The following CPXM1 variants were observed in gnomAD, a reference collection of about 807,000 sequenced individuals.
CPXM1 encodes the protein carboxypeptidase X, M14 family member 1.
In CPXM1, 72 loss-of-function variants were observed where a neutral mutation model predicts 80.4. The observed-to-expected ratio is 0.90, with a 90% CI of 0.74 to 1.09. The LOEUF is 1.09. CPXM1 is among the 50% of genes least tolerant of loss of function. CPXM1 has a pLI of 0.00. For synonymous variants in CPXM1, 403 were observed against 405.6 expected (o/e 0.99, Z 0.08); for missense variants, 892 against 999.4 (o/e 0.89, Z 1.45).
In CPXM1 at chr20:2,794,784, A is replaced by AG. The variant is rs1479656839; in HGVS notation, c.1861-146_1861-145insC. On this transcript the variant is annotated intron_variant, in intron 12 of 13. Transcript: ENST00000380605. The surrounding 1 kb of genome is among the most constrained non-coding windows in gnomAD (Gnocchi z 5.2). ...AGGTGACACTACTTCTGGAAGAAAA[A>AG]AAAAAAAGAAATCCTGATTGACAAA... 7 of 617,538 alleles carry AG rather than the reference A, an allele frequency of 1.1e-5. No individual in the cohort carries two copies. Among genetic ancestry groups the AG allele is most frequent in the Admixed American group, 2.9e-5 (1 of 33,958 alleles). The allele number at this position is 617,538 out of a possible 1,614,324, so 38.3% of individuals were successfully genotyped here. A position where few individuals can be genotyped will look rare whatever the true frequency, so the allele number is the denominator to read the frequency against.
In CPXM1 at chr20:2,794,475, T is replaced by A; in HGVS notation, c.1964-44A>T. ...ACGATCAGGACCCAATTAATGATCT[T>A]CTGCTTCTTCCCGAGCCTCCAGCCC... On this transcript the variant is annotated intron_variant, in intron 13 of 13. Transcript: ENST00000380605. The surrounding 1 kb of genome is among the most constrained non-coding windows in gnomAD (Gnocchi z 5.2). 1 of 1,613,464 alleles carries A rather than the reference T, an allele frequency of 6.2e-7. No individual in the cohort carries two copies. Among genetic ancestry groups the A allele is most frequent in the Non-Finnish European group, 8.5e-7 (1 of 1,179,604 alleles).
chr20:2,800,170 C>T (rs2146564810), intron 1 of CPXM1, among the ~76,000 whole-genome samples: 2 of 150,426 alleles, frequency 1.3e-5, no homozygotes, highest in East Asian at 2.0e-4. Context: ...CGTGTGTGTG[C>T]ATGCGTGTGA....
intron 6 of CPXM1, 44 bp downstream of exon 6, chr20:2,797,148 C>A: frequency 6.2e-7 from 1 of 1,610,340 alleles, no homozygotes. Context: ...AGGATGCACC[C>A]TGCATCCAAG....
chr20:2,797,852 C>T (rs976668516), intron 5 of CPXM1, 116 bp downstream of exon 5: 2 of 905,770 alleles, frequency 2.2e-6, no homozygotes, highest in East Asian at 2.5e-5. Context: ...CAAGCCACAC[C>T]CCCCTGGGAA....
Position 2,800,411 on chromosome 20 carries a change from C to G in CPXM1, c.162G>C (p.Glu54Asp), listed in dbSNP as rs2088558215. ...GGTCGGGGAACTCACCGTTAGCTGT[C>G]TCCGCCGGCGGCTGTGCCGGGCTGC... is the stretch of plus-strand genomic sequence containing the variant. ...LHSSPAQPPAETANGTSEQHV... is the reference protein window; with the variant it reads ...LHSSPAQPPADTANGTSEQHV... Residue 54 changes from glutamate (E) to aspartate (D), a missense_variant, in exon 1 of 14, where the codon GAG becomes GAC. Glu to Asp is a conservative substitution (Grantham distance 45). Coordinates refer to ENST00000380605, the MANE Select transcript of CPXM1 (RefSeq NM_019609.5). 1 of 1,531,322 alleles carries G rather than the reference C, an allele frequency of 6.5e-7. No homozygotes were observed. The highest frequency in any genetic ancestry group is 2.0e-5 in the Admixed American group (1 of 49,630). The allele number at this position is 1,531,322 out of a possible 1,614,324, so 94.9% of individuals were successfully genotyped here.
chr20:2,798,541 G>A lies in CPXM1; in HGVS notation c.341-4C>T. 1 of 1,612,768 alleles carries A rather than the reference G, an allele frequency of 6.2e-7. No individual in the cohort carries two copies. Among genetic ancestry groups the A allele is most frequent in the Non-Finnish European group, 8.5e-7 (1 of 1,178,924 alleles). On this transcript the variant is annotated splice_region_variant and splice_polypyrimidine_tract_variant and intron_variant, in intron 2 of 13. Coordinates refer to ENST00000380605, the MANE Select transcript of CPXM1 (RefSeq NM_019609.5). ...TCCAGACCCAAAGGAGGACAGCCTG[G>A]GGCGGGGATAGAACAGTGAGACAGG...
At position 2,795,326 on chromosome 20, in the gene CPXM1, G is replaced by A; in HGVS notation, c.1811C>T (p.Pro604Leu). ...GTCTTTGTTGTTCTCCCACTCCTGG[G>A]GCAATTCATTCTCGTGAGGGAACTT... ...CDKFPHENELPQEWENNKDAL... is the reference protein window; with the variant it reads ...CDKFPHENELLQEWENNKDAL... Residue 604 changes from proline to leucine, a missense_variant, in exon 12 of 14, where the codon CCC (proline) becomes CTC (leucine). Coordinates refer to ENST00000380605, the MANE Select transcript of CPXM1 (RefSeq NM_019609.5). This position sits in a 1 kb window ranked among gnomAD's most constrained non-coding sequence, Gnocchi z 5.4. 1 of 1,614,118 alleles carries A rather than the reference G, an allele frequency of 6.2e-7. No homozygotes were observed. Among genetic ancestry groups the A allele is most frequent in the Non-Finnish European group, 8.5e-7 (1 of 1,180,010 alleles).
chr20:2,794,168 T>TCA lies in CPXM1; in HGVS notation c.*21_*22insTG, dbSNP rs1468853484. 1 of 1,595,272 alleles carries TCA rather than the reference T, an allele frequency of 6.3e-7. No individual in the cohort carries two copies. The highest frequency in any genetic ancestry group is 1.3e-5 in the African/African-American group (1 of 74,602). ...CCGTCTTGACAGGTCCAGCCTGCCC[T>TCA]AGGGCTCTTAAACCGCAGGTATCAA... On this transcript the variant is annotated 3_prime_UTR_variant, in exon 14 of 14. Transcript: ENST00000380605. This position sits in a 1 kb window ranked among gnomAD's most constrained non-coding sequence, Gnocchi z 5.2.
At position 2,796,231 on chromosome 20, in the gene CPXM1, A is replaced by C. The variant is rs978159395; in HGVS notation, c.1242+16T>G. Reference sequence around the variant, plus strand: ...AGGGCAGAAGGACAGAGTGGCCCTCATGCTGGGTGGCCTACCCGGTGGTAG... The same window carrying C: ...AGGGCAGAAGGACAGAGTGGCCCTCCTGCTGGGTGGCCTACCCGGTGGTAG... On this transcript the variant is annotated intron_variant, in intron 9 of 13. Coordinates refer to ENST00000380605, the MANE Select transcript of CPXM1 (RefSeq NM_019609.5). This position sits in a 1 kb window ranked among gnomAD's most constrained non-coding sequence, Gnocchi z 6.8. 1 of 1,612,542 alleles carries C rather than the reference A, an allele frequency of 6.2e-7. No homozygotes were observed. Among genetic ancestry groups the C allele is most frequent in the Admixed American group, 1.7e-5 (1 of 59,954 alleles).
At position 2,796,024 on chromosome 20, in the gene CPXM1, A is replaced by G. The variant is rs1192609502; in HGVS notation, c.1380T>C (p.His460=). The G allele has an allele frequency of 5.6e-6, 9 of 1,612,982 alleles. No homozygotes were observed. The highest frequency in any genetic ancestry group is 6.8e-6 in the Non-Finnish European group (8 of 1,179,470). ...TGTAGTAAGTGGGCAATGGCAGGTGATGGTTGGGGACGATGTGGGGCACCT... is the reference window on the plus strand; with the variant it reads ...TGTAGTAAGTGGGCAATGGCAGGTGGTGGTTGGGGACGATGTGGGGCACCT... ...DGKVPHIVPN[H]HLPLPTYYTL... Residue 460 remains histidine, a synonymous_variant, in exon 10 of 14, where the codon CAT becomes CAC. Coordinates refer to ENST00000380605, the MANE Select transcript of CPXM1 (RefSeq NM_019609.5). This position sits in a 1 kb window ranked among gnomAD's most constrained non-coding sequence, Gnocchi z 6.8.
Position 2,797,064 on chromosome 20 carries a change from G to A in CPXM1, c.863C>T (p.Ala288Val), listed in dbSNP as rs763737973. 18 of 1,613,946 alleles carry A rather than the reference G, an allele frequency of 1.1e-5. No homozygotes were observed. The highest frequency in any genetic ancestry group is 5.3e-5 in the African/African-American group (4 of 74,878). The change falls in exon 7 of 14, where the codon GCG becomes GTG. Residue 288 changes from alanine (A) to valine (V), a missense_variant. Transcript: ENST00000380605. ...GTCTAGAGGGTCAGAGGATCCCGAC[G>A]CAGGGGCCTCAAGGAATAGGTCATT... ...DPNDLFLEAP[A>V]SGSSDPLDFQ...
Position 2,800,594 on chromosome 20 carries a change from G to T in CPXM1, c.-22C>A. ...ACATGGCGGGGATTGAGTGCCAGGG[G>T]CGCGCGGGCTACGGCGGGTGGCGGG... On this transcript the variant is annotated 5_prime_UTR_variant, in exon 1 of 14. Transcript: ENST00000380605. 1 of 1,326,050 alleles carries T rather than the reference G, an allele frequency of 7.5e-7. No homozygotes were observed. Among genetic ancestry groups the T allele is most frequent in the Non-Finnish European group, 9.6e-7 (1 of 1,041,774 alleles). 82.1% of individuals were successfully genotyped at this position (1,326,050 alleles called of 1,614,324 possible).
In CPXM1 at chr20:2,795,730, C is replaced by G. The variant is rs372249479; in HGVS notation, c.1589G>C (p.Arg530Pro). The change falls in exon 11 of 14, where the codon CGC (arginine) becomes CCC (proline). Residue 530 changes from arginine (R) to proline (P), a missense_variant. By Grantham distance (103) the Arg-to-Pro change is moderately radical. Coordinates refer to ENST00000380605, the MANE Select transcript of CPXM1 (RefSeq NM_019609.5). The surrounding 1 kb of genome is among the most constrained non-coding windows in gnomAD (Gnocchi z 5.4). ...LTPTPDDAVF[R>P]WLSTVYAGSN... is the part of the protein sequence containing the mutation. ...GCCAGCATAGACAGTGCTGAGCCAGCGAAACACAGCATCATCTGGTGTGGG... is the reference window on the plus strand; with the variant it reads ...GCCAGCATAGACAGTGCTGAGCCAGGGAAACACAGCATCATCTGGTGTGGG... 1.2e-6 allele frequency: 2 copies of G among 1,613,762 alleles called. No homozygotes were observed. The highest frequency in any genetic ancestry group is 1.7e-6 in the Non-Finnish European group (2 of 1,180,046).
At position 2,798,732 on chromosome 20, in the gene CPXM1, C is replaced by G. The variant is rs779204218; in HGVS notation, c.334G>C (p.Glu112Gln). Residue 112 changes from glutamate (E) to glutamine (Q), a missense_variant, in exon 2 of 14, where the codon GAA (glutamate) becomes CAA (glutamine). Coordinates refer to ENST00000380605, the MANE Select transcript of CPXM1 (RefSeq NM_019609.5). ...AGTLDPAEKQ[E>Q]TGCPPLGLES... Reference sequence around the variant, plus strand: ...GCCCCTGGAGAGGAAGTACCTGTTTCTTGTTTCTCAGCGGGGTCGAGGGTC... The same window carrying G: ...GCCCCTGGAGAGGAAGTACCTGTTTGTTGTTTCTCAGCGGGGTCGAGGGTC... 27 of 1,611,304 alleles carry G rather than the reference C, an allele frequency of 1.7e-5. No individual in the cohort carries two copies. In the Middle Eastern group the frequency reaches 7.4e-4, roughly 44 times the overall value.
chr20:2,798,019 A>T lies in CPXM1; in HGVS notation c.630T>A (p.Asn210Lys), dbSNP rs2088527899. The T allele has an allele frequency of 6.2e-7, 1 of 1,614,126 alleles. No individual in the cohort carries two copies. The highest frequency in any genetic ancestry group is 1.3e-5 in the African/African-American group (1 of 75,016). ...TACTTCCCCACCAGGTCCGACTGTC[A>T]TTGCTGAACTGGACCTTGTATGATG... ...WVTSYKVQFS[N>K]DSRTWWGSRN... The change falls in exon 5 of 14, where the codon AAT becomes AAA. Residue 210 changes from asparagine (N) to lysine (K), a missense_variant. By Grantham distance (94) the Asn-to-Lys change is moderately conservative. Around this residue, in one of 2 missense-constraint regions of CPXM1, gnomAD observed 874 missense variants for 958.4 expected, o/e 0.91. Coordinates refer to ENST00000380605, the MANE Select transcript of CPXM1 (RefSeq NM_019609.5).
rs778044237 is a variant in CPXM1 at position 2,796,372 on chromosome 20, G to A, written c.1117C>T (p.Leu373=). The part of the protein sequence containing the change: ...EALGRELLLL[L]MQFLCHEFLR... The stretch of plus-strand genomic sequence containing the variant: ...AACTCATGGCACAGGAACTGCATCA[G>A]GAGCAGAAGCAACTCCCGCCCCAGG... Residue 373 remains leucine, a synonymous_variant, in exon 9 of 14, where the codon CTG becomes TTG. Coordinates refer to ENST00000380605, the MANE Select transcript of CPXM1 (RefSeq NM_019609.5). The surrounding 1 kb of genome is among the most constrained non-coding windows in gnomAD (Gnocchi z 6.8). The A allele has an allele frequency of 2.5e-6, 4 of 1,614,124 alleles. No homozygotes were observed. The South Asian group carries it at 3.3e-5, about 13-fold the overall frequency.
rs748210749 is a variant in CPXM1 at position 2,795,880 on chromosome 20, C to T, written c.1439G>A (p.Arg480Gln). The change falls in exon 11 of 14, where the codon CGG becomes CAG. Residue 480 changes from arginine to glutamine, a missense_variant. Physicochemically the swap from Arg to Gln is conservative, Grantham distance 43. Coordinates refer to ENST00000380605, the MANE Select transcript of CPXM1 (RefSeq NM_019609.5). The surrounding 1 kb of genome is among the most constrained non-coding windows in gnomAD (Gnocchi z 5.4). ...LPNATVAPET[R>Q]AVIKWMKRIP... ...CCGCTTCATCCACTTGATTACTGCC[C>T]GCGTTTCAGGAGCCACCTGGATGGG... 1.4e-5 allele frequency: 22 copies of T among 1,609,832 alleles called. No homozygotes were observed. The highest frequency in any genetic ancestry group is 5.5e-5 in the South Asian group (5 of 91,012).
Position 2,794,779 on chromosome 20 carries a change from G to GAA in CPXM1, c.1861-142_1861-141dup, listed in dbSNP as rs11480908. On this transcript the variant is annotated intron_variant, in intron 12 of 13. Transcript: ENST00000380605. This position sits in a 1 kb window ranked among gnomAD's most constrained non-coding sequence, Gnocchi z 5.2. ...TTCCTAGGTGACACTACTTCTGGAA[G>GAA]AAAAAAAAAAAAGAAATCCTGATTG... is the stretch of plus-strand genomic sequence containing the variant. 5.5e-3 allele frequency: 2,770 copies of GAA among 505,782 alleles called. No homozygotes were observed. Among genetic ancestry groups the GAA allele is most frequent in the South Asian group, 0.014 (562 of 40,900 alleles). The allele number at this position is 505,782 out of a possible 1,614,324, so 31.3% of individuals were successfully genotyped here.
At chr20:2,799,518 G>C (rs1338583409) in intron 1 of CPXM1, among the ~76,000 whole-genome samples, 1 of 152,144 alleles carries the variant, frequency 6.6e-6, no homozygotes, top group Non-Finnish European at 1.5e-5. Flanking sequence ...GGTACCCATC[G>C]AAGCTCCACA....
Sources: allele counts gnomAD v4.1 joint callset (sites outside exome capture counted in the v4.1 genomes callset), GRCh38; gene constraint gnomAD v4.1.1; regional missense constraint gnomAD v4.1.1; non-coding constraint Gnocchi (gnomAD v3.1); transcripts MANE v1.5; gene names NCBI Gene and HGNC (gene_info 2026-07-23, HGNC 2026-07-21).